Variants in MRPL1 observed in about 807,000 individuals in gnomAD.
MRPL1 encodes the protein large ribosomal subunit protein uL1m.
A neutral mutation model predicts 38.0 loss-of-function variants in MRPL1; 28 were observed. That is an observed-to-expected ratio of 0.74 (90% CI 0.55 to 1.01). MRPL1 has a LOEUF of 1.01. MRPL1 is among the 50% of genes least tolerant of loss of function. The pLI, the probability that MRPL1 is intolerant of heterozygous loss-of-function variation, is 0.00. For synonymous variants in MRPL1, 123 were observed against 126.7 expected, an observed-to-expected ratio of 0.97 and a Z score of 0.20; for missense variants, 358 against 389.8, an observed-to-expected ratio of 0.92 and a Z score of 0.69.
At position 77,863,461 on chromosome 4, in the gene MRPL1, A is replaced by ATTTTTTTTTTTTTTT. The variant is rs969402527; in HGVS notation, c.31+589_31+603dup. On this transcript the variant is annotated intron_variant, in intron 1 of 8. Transcript: ENST00000315567. ...GATGACAGCCCTTTCTTGTGCAACA[A>ATTTTTTTTTTTTTTT]TTTTTTTTTTTTTTTTTTTTTGAGA... Among the ~76,000 whole-genome samples, 36 of 112,656 alleles carry ATTTTTTTTTTTTTTT rather than the reference A, an allele frequency of 3.2e-4. 4 individuals are homozygous for ATTTTTTTTTTTTTTT. Among genetic ancestry groups the ATTTTTTTTTTTTTTT allele is most frequent in the African/African-American group, 1.2e-3 (31 of 26,130 alleles). 73.9% of individuals were successfully genotyped at this position (112,656 alleles called of 152,430 possible).
intron 6 of MRPL1, among the ~76,000 whole-genome samples, chr4:77,907,896 T>TC (rs1022194953): frequency 6.7e-5 from 10 of 149,706 alleles, no homozygotes; most frequent in African/African-American, 2.2e-4. Flanking sequence ...TCTTTTCTTT[T>TC]TTTTTTTTTT....
At chr4:77,940,630 AG>A (rs891243992) in intron 7 of MRPL1, among the ~76,000 whole-genome samples, 2 of 152,142 alleles carry the variant, frequency 1.3e-5, no homozygotes, top group Non-Finnish European at 2.9e-5. Flanking sequence ...TCCAGTTCTC[AG>A]GGTTCAAGTT....
chr4:77,884,446 C>G (rs780389365), intron 3 of MRPL1, among the ~76,000 whole-genome samples: 1 of 152,196 alleles, frequency 6.6e-6, no homozygotes, highest in Non-Finnish European at 1.5e-5. Flanking sequence ...TAAAATCTCC[C>G]TGAGAGATCT....
At chr4:77,933,658 C>T (rs1736897615) in intron 7 of MRPL1, among the ~76,000 whole-genome samples, 1 of 152,134 alleles carries the variant, frequency 6.6e-6, no homozygotes, top group African/African-American at 2.4e-5. Flanking sequence ...AAAGATCTAA[C>T]TTTCACATCA....
At chr4:77,864,086 A>G (rs980615084) in intron 1 of MRPL1, among the ~76,000 whole-genome samples, 9 of 151,818 alleles carry the variant, frequency 5.9e-5, no homozygotes, top group African/African-American at 2.2e-4. Flanking sequence ...ACAAGAGATA[A>G]CAACAGACCC....
intron 7 of MRPL1, among the ~76,000 whole-genome samples, chr4:77,940,801 A>T (rs1560475890): frequency 6.6e-6 from 1 of 152,198 alleles, no homozygotes; most frequent in African/African-American, 2.4e-5. Context: ...TATTGAAATG[A>T]TCATGTGATT....
At chr4:77,938,899 T>C (rs1189586729) in intron 7 of MRPL1, among the ~76,000 whole-genome samples, 1 of 152,216 alleles carries the variant, frequency 6.6e-6, no homozygotes. Flanking sequence ...AGCTACCTCA[T>C]GGTCCCCTGA....
At chr4:77,897,403 T>C (rs576486125) in intron 6 of MRPL1, among the ~76,000 whole-genome samples, 2 of 152,342 alleles carry the variant, frequency 1.3e-5, no homozygotes, top group East Asian at 3.9e-4. Context: ...GTATCAGATG[T>C]TTATTATGCA....
At position 77,862,889 on chromosome 4, in the gene MRPL1, G is replaced by A; in HGVS notation, c.31+10G>A. ...AGGTGCATGGGTAGAGGTAAGGCGAGGGGTTGTCTTGCAGGGGAAATGGCT... is the reference window on the plus strand; with the variant it reads ...AGGTGCATGGGTAGAGGTAAGGCGAAGGGTTGTCTTGCAGGGGAAATGGCT... On this transcript the variant is annotated intron_variant, in intron 1 of 8. Coordinates refer to ENST00000315567, the MANE Select transcript of MRPL1 (RefSeq NM_020236.4). 6.2e-7 allele frequency: 1 copy of A among 1,614,170 alleles called. No homozygotes were observed. The highest frequency in any genetic ancestry group is 1.7e-5 in the Admixed American group (1 of 60,022).
chr4:77,882,191 A>G (rs983786615), intron 2 of MRPL1, among the ~76,000 whole-genome samples: 7 of 152,156 alleles, frequency 4.6e-5, no homozygotes. Context: ...AAGTTTGCCA[A>G]CTCTGCTCTA....
At position 77,894,193 on chromosome 4, in the gene MRPL1, C is replaced by T. The variant is rs1296048978; in HGVS notation, c.613C>T (p.Pro205Ser). The T allele has an allele frequency of 6.2e-7, 1 of 1,606,488 alleles. No individual in the cohort carries two copies. The highest frequency in any genetic ancestry group is 1.7e-5 in the Admixed American group (1 of 58,922). The change falls in exon 6 of 9, where the codon CCT becomes TCT. Residue 205 changes from proline to serine, a missense_variant. Transcript: ENST00000315567. ...DFYVAVPEIM[P>S]ELNRLRKKLN... ...TTACGTAGCTGTTCCAGAAATAATG[C>T]CTGAACTTAATCGATTAAGGAAGAA...
intron 6 of MRPL1, among the ~76,000 whole-genome samples, chr4:77,901,539 G>A (rs1315021045): frequency 6.6e-6 from 1 of 150,720 alleles, no homozygotes; most frequent in East Asian, 1.9e-4. Flanking sequence ...TAGGCTGAAA[G>A]TAAAATGGTG....
intron 7 of MRPL1, among the ~76,000 whole-genome samples, chr4:77,932,772 G>A (rs972191509): frequency 2.0e-5 from 3 of 151,892 alleles, no homozygotes; most frequent in Middle Eastern, 3.2e-3. Flanking sequence ...GAAATAGAGT[G>A]CACAATAAAT....
chr4:77,937,865 A>G (rs1472086024), intron 7 of MRPL1, among the ~76,000 whole-genome samples: 1 of 152,230 alleles, frequency 6.6e-6, no homozygotes, highest in Non-Finnish European at 1.5e-5. Context: ...ATTTTAAATG[A>G]CAATGCATTT....
intron 7 of MRPL1, among the ~76,000 whole-genome samples, chr4:77,918,171 G>A (rs972127932): frequency 1.3e-5 from 2 of 152,110 alleles, no homozygotes; most frequent in African/African-American, 4.8e-5. Context: ...GGTTCTAGGA[G>A]GAGTTCGAAA....
intron 5 of MRPL1, 48 bp from the exon 6 acceptor site, chr4:77,894,091 A>G: frequency 9.5e-7 from 1 of 1,049,810 alleles, no homozygotes; most frequent in Non-Finnish European, 1.4e-6. Context: ...TCAGAACGAT[A>G]AAGCTTTTCA....
chr4:77,873,913 C>T (rs1305378958), intron 2 of MRPL1, among the ~76,000 whole-genome samples: 4 of 151,946 alleles, frequency 2.6e-5, no homozygotes, highest in South Asian at 2.1e-4. Context: ...CCTTTGTAAT[C>T]GTCTGTGCAT....
intron 1 of MRPL1, among the ~76,000 whole-genome samples, chr4:77,870,949 C>G (rs570327715): frequency 1.3e-5 from 2 of 152,076 alleles, no homozygotes; most frequent in African/African-American, 4.8e-5. Flanking sequence ...TTCTTATCTT[C>G]AGAAGTACTT....
chr4:77,945,939 G>C (rs548185346), intron 7 of MRPL1, among the ~76,000 whole-genome samples: 8 of 152,284 alleles, frequency 5.3e-5, no homozygotes, highest in African/African-American at 1.7e-4. Flanking sequence ...TCCATGTTCA[G>C]CTGTGCACGT....
Sources: allele counts gnomAD v4.1 joint callset (sites outside exome capture counted in the v4.1 genomes callset), GRCh38; gene constraint gnomAD v4.1.1; transcripts MANE v1.5; gene names NCBI Gene and HGNC (gene_info 2026-07-23, HGNC 2026-07-21).